ELMO2: variants seen among roughly 807,000 people sequenced by gnomAD.
ELMO2 encodes engulfment and cell motility protein 2.
ELMO2 carries 37 observed loss-of-function variants against 96.2 expected under a neutral mutation model. The ratio of observed to expected loss-of-function variants is 0.38; its 90% CI spans 0.30 to 0.51. The LOEUF (loss-of-function observed/expected upper bound fraction) is 0.51, where lower values mean the gene tolerates loss of function less well. ELMO2 is among the 20% of genes least tolerant of loss of function. The pLI is 0.88. For synonymous variants in ELMO2, 315 were observed against 329.4 expected (o/e 0.96, Z 0.47); for missense variants, 561 against 912.6 (o/e 0.61, Z 4.96).
chr20:46,399,915 T>C (rs1339003229), intron 1 of ELMO2, among the ~76,000 whole-genome samples: 1 of 152,150 alleles, frequency 6.6e-6, no homozygotes, highest in Non-Finnish European at 1.5e-5. Flanking sequence ...GTAATCCCAA[T>C]GCTTTGGGAG....
rs750998550 is a variant in ELMO2, at chr20:46,380,218, A to G, written c.807+35T>C. On this transcript the variant is annotated intron_variant, in intron 11 of 21. Transcript: ENST00000290246. ...ACAATAACAGTAATAATTGTTGTTA[A>G]TAGTAATAAAATACAGCATGTTCCA... 1.7e-5 allele frequency: 26 copies of G among 1,545,712 alleles called. 1 individual carries two copies. Among genetic ancestry groups the G allele is most frequent in the Non-Finnish European group, 2.1e-5 (24 of 1,120,394 alleles).
intron 3 of ELMO2, 23 bp from the exon 4 acceptor site, chr20:46,394,112 C>T: frequency 6.3e-7 from 1 of 1,597,278 alleles, no homozygotes; most frequent in Non-Finnish European, 8.6e-7. Flanking sequence ...GAGAGAAAGC[C>T]TTCAACAGCA....
Position 46,392,019 on chromosome 20 carries a change from C to T in ELMO2, c.243+1074G>A, listed in dbSNP as rs547580582. Reference sequence around the variant, plus strand: ...ACTGTTTTACCTTTCTTTTACTTGACCACTTCAGTGTGGCCACCTGGCCTC... The same window carrying T: ...ACTGTTTTACCTTTCTTTTACTTGATCACTTCAGTGTGGCCACCTGGCCTC... On this transcript the variant is annotated intron_variant, in intron 6 of 21. Coordinates refer to ENST00000290246, the MANE Select transcript of ELMO2 (RefSeq NM_133171.5). 5.9e-5 allele frequency among the ~76,000 whole-genome samples: 9 copies of T among 152,326 alleles called. No homozygotes were observed. In the East Asian group the frequency reaches 1.5e-3, roughly 26 times the overall value.
chr20:46,369,865 G>C, intron 20 of ELMO2: 1 of 146,120 alleles, frequency 6.8e-6, no homozygotes, highest in Non-Finnish European at 1.2e-5. Flanking sequence ...AACTGCAAAG[G>C]AAAAGATGGT....
intron 1 of ELMO2, among the ~76,000 whole-genome samples, chr20:46,399,705 T>G (rs1184024565): frequency 2.0e-5 from 3 of 152,208 alleles, no homozygotes; most frequent in Non-Finnish European, 2.9e-5. Context: ...CAGTGAAGGC[T>G]CAGTAAGCAC....
At chr20:46,385,420 A>G (rs942576754) in intron 9 of ELMO2, among the ~76,000 whole-genome samples, 1 of 152,264 alleles carries the variant, frequency 6.6e-6, no homozygotes, top group Non-Finnish European at 1.5e-5. Context: ...GAATTTACTG[A>G]ATACCTAACC....
chr20:46,406,343 C>T (rs1368686095), intron 1 of ELMO2, among the ~76,000 whole-genome samples: 1 of 152,174 alleles, frequency 6.6e-6, no homozygotes, highest in Non-Finnish European at 1.5e-5. Flanking sequence ...TCTCTCCTCC[C>T]TTCCTAAGGC....
At chr20:46,368,816 T>G in intron 21 of ELMO2, 75 bp downstream of exon 21, 4 of 1,536,424 alleles carry the variant, frequency 2.6e-6, no homozygotes, top group Non-Finnish European at 3.6e-6. Flanking sequence ...GACTTTCCTG[T>G]TTTGCTCATT....
In ELMO2 at chr20:46,383,440, C is replaced by G. The variant is rs532003370; in HGVS notation, c.732G>C (p.Leu244=). The change falls in exon 10 of 22, where the codon CTG becomes CTC. Residue 244 remains leucine, a synonymous_variant. Transcript: ENST00000290246. ...CCTGTCGTTTGTCCTCAGGAGCCTT[C>G]AGAAAAAGTGCATTAATCAGTGCAA... ...YAIALINALF[L]KAPEDKRQDM... The G allele has an allele frequency of 1.2e-6, 2 of 1,614,138 alleles. No homozygotes were observed. The highest frequency in any genetic ancestry group is 3.3e-5 in the Admixed American group (2 of 60,016).
intron 9 of ELMO2, among the ~76,000 whole-genome samples, chr20:46,383,783 T>G (rs1356438066): frequency 2.0e-5 from 3 of 152,228 alleles, no homozygotes; most frequent in Non-Finnish European, 4.4e-5. Context: ...TTAGCCAACA[T>G]TTATACATAT....
chr20:46,394,551 A>T lies in ELMO2; in HGVS notation c.-50-19T>A. 1 of 1,522,966 alleles carries T rather than the reference A, an allele frequency of 6.6e-7. No homozygotes were observed. The highest frequency in any genetic ancestry group is 9.1e-7 in the Non-Finnish European group (1 of 1,098,214). 94.3% of individuals were successfully genotyped at this position (1,522,966 alleles called of 1,614,324 possible). A position where few individuals can be genotyped will look rare whatever the true frequency, so the allele number is the denominator to read the frequency against. On this transcript the variant is annotated intron_variant, in intron 2 of 21. Transcript: ENST00000290246. The stretch of plus-strand genomic sequence containing the variant: ...CGGCTGCCTGGGGAGAAAGAATCAG[A>T]AAGGTGGAAAAAGAGTATTTCTTCA...
intron 1 of ELMO2, 145 bp downstream of exon 1, chr20:46,406,403 G>C (rs796420608): frequency 6.5e-6 from 1 of 152,796 alleles, no homozygotes; most frequent in African/African-American, 2.4e-5. Flanking sequence ...GCGCGGTCCA[G>C]CCCAGGCCCG....
At position 46,393,740 on chromosome 20, in the gene ELMO2, T is replaced by C. The variant is rs1227376973; in HGVS notation, c.120-139A>G. The C allele has an allele frequency of 2.7e-5, 27 of 1,012,216 alleles. No individual in the cohort carries two copies. In the East Asian group the frequency reaches 6.1e-4, roughly 23 times the overall value. The allele number at this position is 1,012,216 out of a possible 1,614,324, so 62.7% of individuals were successfully genotyped here. A position where few individuals can be genotyped will look rare whatever the true frequency, so the allele number is the denominator to read the frequency against. ...GTGGAAACAAAGCTTTAGGTTGTCA[T>C]GTTGAAAAAATCATGGCCTCAGCCT... is the stretch of plus-strand genomic sequence containing the variant. On this transcript the variant is annotated intron_variant, in intron 4 of 21. Coordinates refer to ENST00000290246, the MANE Select transcript of ELMO2 (RefSeq NM_133171.5).
At chr20:46,401,060 G>A (rs1008096442) in intron 1 of ELMO2, among the ~76,000 whole-genome samples, 1 of 152,136 alleles carries the variant, frequency 6.6e-6, no homozygotes, top group African/African-American at 2.4e-5. Flanking sequence ...TCAGTTATTT[G>A]GCTTTTGATT....
rs1186135860 is a variant in ELMO2, at chr20:46,387,359, A to G, written c.504T>C (p.Val168=). 1 of 1,613,914 alleles carries G rather than the reference A, an allele frequency of 6.2e-7. No individual in the cohort carries two copies. The highest frequency in any genetic ancestry group is 1.3e-5 in the African/African-American group (1 of 74,910). Residue 168 remains valine, a synonymous_variant, in exon 8 of 22, where the codon GTT becomes GTC. Transcript: ENST00000290246. ...MDHGIVSWDM[V]SITFIKQIAG... is the part of the protein sequence containing the mutation. ...TCACCTGCTTAATAAAGGTGATTGA[A>G]ACCATGTCCCAGGAGACAATGCCAT...
At chr20:46,394,008 C>A in intron 4 of ELMO2, 41 bp downstream of exon 4, 2 of 1,613,270 alleles carry the variant, frequency 1.2e-6, no homozygotes, top group South Asian at 2.2e-5. Flanking sequence ...CTCTTTCAGT[C>A]GGAGCTGCCA....
intron 2 of ELMO2, among the ~76,000 whole-genome samples, chr20:46,396,609 T>C (rs1160249094): frequency 6.6e-6 from 1 of 152,228 alleles, no homozygotes; most frequent in Non-Finnish European, 1.5e-5. Context: ...GTACTTCATA[T>C]AAATGGAACT....
intron 8 of ELMO2, 69 bp from the exon 9 acceptor site, chr20:46,386,344 T>C (rs1394506791): frequency 1.3e-6 from 2 of 1,578,982 alleles, no homozygotes; most frequent in Non-Finnish European, 1.7e-6. Flanking sequence ...TAGCATCTGA[T>C]GCTAGCCCTT....
At chr20:46,370,348 G>A (rs759858872) in intron 20 of ELMO2, 95 bp downstream of exon 20, 1 of 1,062,042 alleles carries the variant, frequency 9.4e-7, no homozygotes, top group South Asian at 1.3e-5. Context: ...GAATAGAGAG[G>A]GGAAGATGCC....
Sources: allele counts gnomAD v4.1 joint callset (sites outside exome capture counted in the v4.1 genomes callset), GRCh38; gene constraint gnomAD v4.1.1; transcripts MANE v1.5; gene names NCBI Gene and HGNC (gene_info 2026-07-23, HGNC 2026-07-21).